LINGO2: variants seen among roughly 807,000 people sequenced by gnomAD.
LINGO2 encodes leucine rich repeat and Ig domain containing 2, also known as leucine-rich repeat and immunoglobulin-like domain-containing nogo receptor-interacting protein 2.
In LINGO2, 14 loss-of-function variants were observed where a neutral mutation model predicts 30.6. That is an observed-to-expected ratio of 0.46 (90% confidence interval 0.30 to 0.72). The LOEUF (loss-of-function observed/expected upper bound fraction) is 0.72, where lower values mean the gene tolerates loss of function less well. Ranked by LOEUF, LINGO2 falls within the 30% of genes least tolerant of loss-of-function variation. The pLI is 0.07. For missense variants in LINGO2, 729 were observed against 751.7 expected (o/e 0.97, Z 0.35); for synonymous variants, 317 against 288.5 (o/e 1.10, Z -1.00).
At chr9:28,255,212 T>C (rs914985228) in intron 4 of LINGO2, among the ~76,000 whole-genome samples, 1 of 151,950 alleles carries the variant, frequency 6.6e-6, no homozygotes, top group Non-Finnish European at 1.5e-5. Flanking sequence ...TCTCTCTCTT[T>C]CTTTTTGGTC....
intron 1 of LINGO2, among the ~76,000 whole-genome samples, chr9:28,633,683 C>T (rs62548194): frequency 0.087 from 13,165 of 152,168 alleles, 634 homozygotes; most frequent in Middle Eastern, 0.11. Flanking sequence ...CTGAGACCTT[C>T]ACATGGATCA....
the LINGO2 span, among the ~76,000 whole-genome samples, chr9:28,911,158 G>A: frequency 1.3e-5 from 2 of 151,886 alleles, no homozygotes; most frequent in African/African-American, 4.8e-5. Flanking sequence ...ATGTTCAGGG[G>A]TAGAATATAA....
chr9:28,037,463 T>A (rs1823991329), intron 4 of LINGO2, among the ~76,000 whole-genome samples: 1 of 150,564 alleles, frequency 6.6e-6, no homozygotes. Context: ...GCTAATCTTC[T>A]GTCTCCTTTA....
chr9:28,736,217 G>C, the LINGO2 span, among the ~76,000 whole-genome samples: 1 of 152,268 alleles, frequency 6.6e-6, no homozygotes, highest in East Asian at 1.9e-4. Flanking sequence ...GAGGAAAGCA[G>C]ACCATGAGGA....
the LINGO2 span, among the ~76,000 whole-genome samples, chr9:28,710,375 T>C: frequency 6.6e-6 from 1 of 152,236 alleles, no homozygotes; most frequent in East Asian, 1.9e-4. Context: ...TTTATGGTAT[T>C]TTGTTATAGC....
intron 4 of LINGO2, among the ~76,000 whole-genome samples, chr9:28,183,775 T>A (rs1819443319): frequency 6.6e-6 from 1 of 152,202 alleles, no homozygotes; most frequent in African/African-American, 2.4e-5. Flanking sequence ...TCTGTAGGCA[T>A]GAGCTTGTGT....
At chr9:28,773,062 G>A in the LINGO2 span, among the ~76,000 whole-genome samples, 2 of 151,962 alleles carry the variant, frequency 1.3e-5, no homozygotes, top group African/African-American at 4.8e-5. Context: ...CAAATGTAAG[G>A]CAACAAAAGT....
intron 5 of LINGO2, among the ~76,000 whole-genome samples, chr9:27,990,675 T>G (rs898318744): frequency 2.0e-5 from 3 of 152,044 alleles, no homozygotes; most frequent in African/African-American, 7.2e-5. Flanking sequence ...GTTATCGCAT[T>G]CAGTGGTTGA....
intron 3 of LINGO2, among the ~76,000 whole-genome samples, chr9:28,340,298 C>G (rs1053553288): frequency 2.0e-5 from 3 of 152,062 alleles, no homozygotes; most frequent in African/African-American, 4.8e-5. Flanking sequence ...AGCACAATGT[C>G]TCGTATATAA....
At chr9:28,929,106 G>T in the LINGO2 span, among the ~76,000 whole-genome samples, 20 of 152,208 alleles carry the variant, frequency 1.3e-4, no homozygotes, top group Non-Finnish European at 2.8e-4. Flanking sequence ...GATATTTTGA[G>T]ATATTTACTT....
At chr9:28,621,017 A>T (rs1384642209) in intron 1 of LINGO2, among the ~76,000 whole-genome samples, 1 of 152,064 alleles carries the variant, frequency 6.6e-6, no homozygotes, top group East Asian at 1.9e-4. Context: ...AAGTGCAAGA[A>T]ATGTCTAAAA....
chr9:29,115,211 A>G, the LINGO2 span, among the ~76,000 whole-genome samples: 2 of 152,174 alleles, frequency 1.3e-5, no homozygotes, highest in South Asian at 2.1e-4. Context: ...AGTATAGAAA[A>G]ATATTATCTA....
chr9:28,332,682 T>G (rs1448967982), intron 3 of LINGO2, among the ~76,000 whole-genome samples: 1 of 151,806 alleles, frequency 6.6e-6, no homozygotes, highest in Non-Finnish European at 1.5e-5. Flanking sequence ...GTTCCTCTCA[T>G]GAAAAGAGAA....
chr9:29,031,112 T>C, the LINGO2 span, among the ~76,000 whole-genome samples: 1 of 152,130 alleles, frequency 6.6e-6, no homozygotes, highest in African/African-American at 2.4e-5. Flanking sequence ...AAATCTCCCA[T>C]TGACACTGTC....
At chr9:28,102,343 A>C (rs1198481906) in intron 4 of LINGO2, among the ~76,000 whole-genome samples, 4 of 152,142 alleles carry the variant, frequency 2.6e-5, no homozygotes, top group African/African-American at 9.7e-5. Flanking sequence ...TTCAAGTATT[A>C]ATTCTGATTG....
At chr9:29,096,290 T>C in the LINGO2 span, among the ~76,000 whole-genome samples, 4 of 138,486 alleles carry the variant, frequency 2.9e-5, no homozygotes, top group African/African-American at 8.2e-5. Context: ...CTTTATTTTT[T>C]ATTTTTTTAT....
intron 4 of LINGO2, among the ~76,000 whole-genome samples, chr9:28,170,166 A>C (rs575132648): frequency 6.6e-6 from 1 of 152,350 alleles, no homozygotes; most frequent in East Asian, 1.9e-4. Context: ...TGTTTGAATA[A>C]ATAAATATGT....
chr9:28,276,373 T>C lies in LINGO2; in HGVS notation c.-87+18835A>G, dbSNP rs1411882673. 4.6e-5 allele frequency among the ~76,000 whole-genome samples: 7 copies of C among 152,154 alleles called. No homozygotes were observed. In the South Asian group the frequency reaches 1.5e-3, roughly 32 times the overall value. On this transcript the variant is annotated intron_variant, in intron 4 of 5. Transcript: ENST00000379992. The stretch of plus-strand genomic sequence containing the variant: ...TTCAGTACCATCCTTCCCTCATCTA[T>C]TCTTATTAATCTAAATCTAGTTAAG...
intron 1 of LINGO2, among the ~76,000 whole-genome samples, chr9:28,654,335 C>A (rs1270391984): frequency 6.6e-6 from 1 of 152,042 alleles, no homozygotes; most frequent in Non-Finnish European, 1.5e-5. Context: ...TAATGTATAG[C>A]ATATCTAGCA....
Sources: gnomAD v4.1 joint callset for allele counts (sites outside exome capture counted in the v4.1 genomes callset) on GRCh38, gnomAD v4.1.1 for gene constraint, MANE v1.5 for transcripts, NCBI Gene and HGNC (gene_info 2026-07-23, HGNC 2026-07-21) for gene names.